FNDC3B: variants seen among roughly 807,000 people sequenced by gnomAD.
The protein encoded by FNDC3B is fibronectin type III domain-containing protein 3B.
FNDC3B carries 12 observed loss-of-function variants against 151.5 expected under a neutral mutation model. That is an observed-to-expected ratio of 0.08 (90% confidence interval 0.05 to 0.13). The LOEUF (loss-of-function observed/expected upper bound fraction) is 0.13, where lower values mean the gene tolerates loss of function less well. FNDC3B is among the 10% of genes least tolerant of loss of function. The probability of loss-of-function intolerance (pLI) is 1.00; values close to 1 mark genes in which losing one functional copy is unlikely to be tolerated. For missense variants in FNDC3B, 1,214 were observed against 1,505.3 expected (o/e 0.81, Z 3.20); for synonymous variants, 528 against 549.0 (o/e 0.96, Z 0.54).
At chr3:172,303,322 A>G (rs1731029345) in intron 9 of FNDC3B, among the ~76,000 whole-genome samples, 1 of 152,228 alleles carries the variant, frequency 6.6e-6, no homozygotes, top group African/African-American at 2.4e-5. Context: ...CAATTTGGCA[A>G]ACAAGTTGCC....
chr3:172,063,124 G>A (rs1360965340), intron 1 of FNDC3B, among the ~76,000 whole-genome samples: 1 of 151,718 alleles, frequency 6.6e-6, no homozygotes, highest in Admixed American at 6.6e-5. Flanking sequence ...ATATACTTTT[G>A]AAGCAAGTCT....
At chr3:172,340,435 A>C (rs1219529237) in intron 16 of FNDC3B, among the ~76,000 whole-genome samples, 1 of 151,838 alleles carries the variant, frequency 6.6e-6, no homozygotes, top group Non-Finnish European at 1.5e-5. Flanking sequence ...ACAGGTGCCC[A>C]CCACCATGCC....
rs369730632 is a variant in FNDC3B at position 172,392,569 on chromosome 3, T to G, written c.3304-4595T>G. ...GAGCCAACACTAAATTCATGTCCAG[T>G]GCACTTGTATTCACTAATGGAATGT... On this transcript the variant is annotated intron_variant, in intron 25 of 25. Coordinates refer to ENST00000415807, the MANE Select transcript of FNDC3B (RefSeq NM_022763.4). 2.0e-5 allele frequency among the ~76,000 whole-genome samples: 3 copies of G among 152,230 alleles called. No homozygotes were observed. In the East Asian group the frequency reaches 5.8e-4, roughly 29 times the overall value.
intron 3 of FNDC3B, chr3:172,187,361 G>A (rs982455849): frequency 6.6e-6 from 1 of 152,300 alleles, no homozygotes; most frequent in Non-Finnish European, 1.5e-5. Context: ...ATTTACATCT[G>A]TATTGACCAT....
chr3:172,339,065 A>G (rs1402185552), intron 16 of FNDC3B, among the ~76,000 whole-genome samples: 1 of 152,050 alleles, frequency 6.6e-6, no homozygotes, highest in East Asian at 1.9e-4. Context: ...TAAATGGCAC[A>G]TGCTAATGCC....
chr3:172,249,138 C>T (rs62281809), intron 5 of FNDC3B, among the ~76,000 whole-genome samples: 20,898 of 151,892 alleles, frequency 0.14, 1,606 homozygotes, highest in African/African-American at 0.21. Flanking sequence ...TTTGACTCAA[C>T]ATGCATTAAA....
chr3:172,242,383 G>A (rs1350577365), intron 4 of FNDC3B, among the ~76,000 whole-genome samples: 9 of 151,982 alleles, frequency 5.9e-5, no homozygotes, highest in African/African-American at 1.2e-4. Flanking sequence ...AGAGGTTCTC[G>A]ATGACAGCCC....
chr3:172,291,215 TAC>T lies in FNDC3B; in HGVS notation c.850-4140_850-4139del, dbSNP rs199777592. 2.5e-3 allele frequency among the ~76,000 whole-genome samples: 377 copies of T among 152,360 alleles called. 10 individuals carry two copies. In the East Asian group the frequency reaches 0.04, roughly 16 times the overall value. On this transcript the variant is annotated intron_variant, in intron 7 of 25. Transcript: ENST00000415807. Reference sequence around the variant, plus strand: ...ACAATGCGGTTTTATAATTTCCTTATACACACACATATAGAACAACTGCTTTC... The same window carrying T: ...ACAATGCGGTTTTATAATTTCCTTATACACACATATAGAACAACTGCTTTC...
intron 3 of FNDC3B, among the ~76,000 whole-genome samples, chr3:172,168,867 A>G (rs1277033639): frequency 4.7e-5 from 7 of 150,150 alleles, no homozygotes; most frequent in Non-Finnish European, 1.0e-4. Context: ...CGGCGCCACC[A>G]CTCCCGGCTA....
chr3:172,251,355 C>A lies in FNDC3B; in HGVS notation c.604C>A (p.Arg202Ser), dbSNP rs190147254. 18 of 1,614,072 alleles carry A rather than the reference C, an allele frequency of 1.1e-5. No homozygotes were observed. Among genetic ancestry groups the A allele is most frequent in the Non-Finnish European group, 1.3e-5 (15 of 1,180,014 alleles). Reference sequence around the variant, plus strand: ...AAAACTGAAAGACCGCCAGATCGATCGCCAGAACCGCCTCAACAGCCCTCC... The same window carrying A: ...AAAACTGAAAGACCGCCAGATCGATAGCCAGAACCGCCTCAACAGCCCTCC... ...HKKLKDRQID[R>S]QNRLNSPPSS... Residue 202 changes from arginine (R) to serine (S), a missense_variant, in exon 6 of 26, where the codon CGC (arginine) becomes AGC (serine). By Grantham distance (110) the Arg-to-Ser change is moderately radical. Transcript: ENST00000415807.
chr3:172,319,484 T>C (rs1054631146), intron 11 of FNDC3B, among the ~76,000 whole-genome samples: 1 of 152,204 alleles, frequency 6.6e-6, no homozygotes, highest in Non-Finnish European at 1.5e-5. Flanking sequence ...GCCTCCCCTC[T>C]TACAGAAAAG....
At chr3:172,067,053 G>A (rs561011974) in intron 1 of FNDC3B, among the ~76,000 whole-genome samples, 1 of 152,250 alleles carries the variant, frequency 6.6e-6, no homozygotes, top group South Asian at 2.1e-4. Flanking sequence ...GCTTTATGTA[G>A]AGTGGTTTCT....
chr3:172,190,293 C>A (rs1178623273), intron 3 of FNDC3B, among the ~76,000 whole-genome samples: 2 of 152,182 alleles, frequency 1.3e-5, no homozygotes, highest in Admixed American at 6.5e-5. Context: ...ATTCAGATAG[C>A]AGCGTGTCCT....
chr3:172,387,461 G>T (rs1443017442), intron 25 of FNDC3B, among the ~76,000 whole-genome samples: 1 of 152,054 alleles, frequency 6.6e-6, no homozygotes, highest in Non-Finnish European at 1.5e-5. Context: ...AAACAATGAG[G>T]CTATGACTGT....
chr3:172,307,132 C>T (rs551060246), intron 9 of FNDC3B: 1 of 495,674 alleles, frequency 2.0e-6, no homozygotes, highest in Non-Finnish European at 3.6e-6. Context: ...TCCTGCCTAT[C>T]TTGAAATGGA....
At position 172,040,871 on chromosome 3, in the gene FNDC3B, G is replaced by C. The variant is rs1039597306; in HGVS notation, c.-29+1100G>C. Among the ~76,000 whole-genome samples the C allele has an allele frequency of 6.6e-6, 1 of 152,088 alleles. No individual in the cohort carries two copies. The highest frequency in any genetic ancestry group is 1.9e-4 in the East Asian group (1 of 5,148). Reference sequence around the variant, plus strand: ...CCGGAGGACCCGGGCCCGCCGTCTCGGGAGACTGGGCTGCGCCGCCCGGCG... The same window carrying C: ...CCGGAGGACCCGGGCCCGCCGTCTCCGGAGACTGGGCTGCGCCGCCCGGCG... On this transcript the variant is annotated intron_variant, in intron 1 of 25. Transcript: ENST00000415807. This position sits in a 1 kb window ranked among gnomAD's most constrained non-coding sequence, Gnocchi z 6.6.
Position 172,401,300 on chromosome 3 carries a change from C to T in FNDC3B, c.*3825C>T, listed in dbSNP as rs1736568462. 6.6e-6 allele frequency: 1 copy of T among 152,242 alleles called. No individual in the cohort carries two copies. The highest frequency in any genetic ancestry group is 2.1e-4 in the South Asian group (1 of 4,832). 9.4% of individuals were successfully genotyped at this position (152,242 alleles called of 1,614,324 possible). A position where few individuals can be genotyped will look rare whatever the true frequency, so the allele number is the denominator to read the frequency against. On this transcript the variant is annotated 3_prime_UTR_variant, in exon 26 of 26. Transcript: ENST00000415807. ...TTTTGGAGGCCAGGCAGGTGGCCTT[C>T]TGCAGAGACAGCAGCAGCTCAGCTC...
chr3:172,097,585 C>T (rs1194495472), intron 1 of FNDC3B, among the ~76,000 whole-genome samples: 1 of 152,108 alleles, frequency 6.6e-6, no homozygotes, highest in Non-Finnish European at 1.5e-5. Flanking sequence ...AAAAATATAG[C>T]AAGTTCAAAA....
intron 3 of FNDC3B, among the ~76,000 whole-genome samples, chr3:172,215,555 C>G (rs1725934753): frequency 6.6e-6 from 1 of 152,174 alleles, no homozygotes; most frequent in Admixed American, 6.5e-5. Context: ...GAAACCCTGT[C>G]TCTACTAAAA....
Sources: allele counts gnomAD v4.1 joint callset (sites outside exome capture counted in the v4.1 genomes callset), GRCh38; gene constraint gnomAD v4.1.1; non-coding constraint Gnocchi (gnomAD v3.1); transcripts MANE v1.5; gene names NCBI Gene and HGNC (gene_info 2026-07-23, HGNC 2026-07-21).